Variants in TMCO5A observed in about 807,000 individuals in gnomAD.
TMCO5A encodes the protein transmembrane and coiled-coil domain-containing protein 5A.
TMCO5A carries 34 observed loss-of-function variants against 42.3 expected under a neutral mutation model. The observed-to-expected ratio is 0.80, with a 90% confidence interval of 0.61 to 1.07. TMCO5A has a LOEUF of 1.07. TMCO5A is among the 50% of genes least tolerant of loss of function. TMCO5A has a pLI of 0.00. For synonymous variants in TMCO5A, 131 were observed against 115.6 expected, an observed-to-expected ratio of 1.13 and a Z score of -0.86; for missense variants, 357 against 327.9, an observed-to-expected ratio of 1.09 and a Z score of -0.69.
At chr15:37,938,452 G>A (rs1031962867) in intron 6 of TMCO5A, among the ~76,000 whole-genome samples, 1 of 152,040 alleles carries the variant, frequency 6.6e-6, no homozygotes. Context: ...GAAGAGCAGG[G>A]CACAAATGCA....
At chr15:37,978,859 G>A in the TMCO5A span, among the ~76,000 whole-genome samples, 1 of 152,270 alleles carries the variant, frequency 6.6e-6, no homozygotes, top group Admixed American at 6.5e-5. Flanking sequence ...TTCTGGGGAG[G>A]CCTCAGGGAG....
the TMCO5A span, among the ~76,000 whole-genome samples, chr15:38,021,469 G>A: frequency 6.6e-6 from 1 of 152,082 alleles, no homozygotes; most frequent in Non-Finnish European, 1.5e-5. Context: ...TGCATGTGGG[G>A]GGATTTTTTT....
chr15:37,938,148 G>T lies in TMCO5A; in HGVS notation c.316-10G>T. 1.3e-6 allele frequency: 2 copies of T among 1,562,614 alleles called. No individual in the cohort carries two copies. The highest frequency in any genetic ancestry group is 1.2e-5 in the South Asian group (1 of 84,880). ...TTTTAATTTAGTATATTTTTTATTT[G>T]AAACTATAGCTTACAAGGAAATCAC... On this transcript the variant is annotated splice_polypyrimidine_tract_variant and intron_variant, in intron 5 of 11. Coordinates refer to ENST00000319669, the MANE Select transcript of TMCO5A (RefSeq NM_152453.4).
At chr15:38,036,517 C>T in the TMCO5A span, among the ~76,000 whole-genome samples, 1 of 151,900 alleles carries the variant, frequency 6.6e-6, no homozygotes, top group African/African-American at 2.4e-5. Flanking sequence ...CACACACACA[C>T]ACACACACAC....
chr15:38,003,213 C>T, the TMCO5A span, among the ~76,000 whole-genome samples: 18 of 95,066 alleles, frequency 1.9e-4, no homozygotes, highest in Admixed American at 2.0e-3. Flanking sequence ...TGACTTTCTC[C>T]CAAACAGAGT....
chr15:37,965,479 G>A (rs1371309485), intron 11 of TMCO5A, among the ~76,000 whole-genome samples: 3 of 152,158 alleles, frequency 2.0e-5, no homozygotes, highest in African/African-American at 7.2e-5. Context: ...ACACTTCACA[G>A]AATAGGGGAA....
the TMCO5A span, among the ~76,000 whole-genome samples, chr15:37,975,289 A>T: frequency 6.6e-6 from 1 of 152,142 alleles, no homozygotes; most frequent in Non-Finnish European, 1.5e-5. Context: ...GGTCCCAAAT[A>T]TCTTTGTTAG....
At chr15:37,950,155 G>A (rs992758958) in intron 11 of TMCO5A, among the ~76,000 whole-genome samples, 1 of 152,152 alleles carries the variant, frequency 6.6e-6, no homozygotes, top group Non-Finnish European at 1.5e-5. Context: ...CCATTCTTTA[G>A]AAGTAAGTTA....
the TMCO5A span, among the ~76,000 whole-genome samples, chr15:38,007,562 G>T: frequency 6.6e-6 from 1 of 152,180 alleles, no homozygotes; most frequent in Non-Finnish European, 1.5e-5. Flanking sequence ...AGTACCCAAA[G>T]AATTGGAGAA....
chr15:37,936,782 CT>C (rs1889527832), intron 3 of TMCO5A, 64 bp from the exon 4 acceptor site: 1 of 1,596,194 alleles, frequency 6.3e-7, no homozygotes, highest in African/African-American at 1.3e-5. Flanking sequence ...TATCTGAAAT[CT>C]GTGTTTTATC....
Position 37,941,751 on chromosome 15 carries a change from G to T in TMCO5A, c.504+21G>T, listed in dbSNP as rs746151953. The T allele has an allele frequency of 3.8e-6, 6 of 1,592,026 alleles. No individual in the cohort carries two copies. In the African/African-American group the frequency reaches 6.7e-5, roughly 18 times the overall value. On this transcript the variant is annotated intron_variant, in intron 8 of 11. Transcript: ENST00000319669. ...TAAAGGTAGAGCTTCTTGGTAAAGG[G>T]ATAGCAAAGGGTTTATTAAGGTACA...
the TMCO5A span, among the ~76,000 whole-genome samples, chr15:38,013,621 A>G: frequency 1.3e-5 from 2 of 152,144 alleles, no homozygotes; most frequent in African/African-American, 4.8e-5. Context: ...GTATTGCTTC[A>G]CTTTTCTTAA....
chr15:37,967,734 G>A (rs1890589348), downstream of TMCO5A: 1 of 152,122 alleles, frequency 6.6e-6, no homozygotes, highest in Non-Finnish European at 1.5e-5. Flanking sequence ...TAAAAAAACT[G>A]GATATATTTG....
chr15:37,967,458 C>G (rs146536393), exon 12 of TMCO5A: 87 of 152,210 alleles, frequency 5.7e-4, no homozygotes, highest in African/African-American at 1.8e-3. Flanking sequence ...TATAAAAGAT[C>G]CTTTTAATTA....
At chr15:37,966,776 G>T (rs1890568325) in exon 12 of TMCO5A, 3 of 692,214 alleles carry the variant, frequency 4.3e-6, no homozygotes, top group Admixed American at 2.0e-5. Context: ...GAGGTCAATT[G>T]CCTACCCTGT....
chr15:38,013,360 C>A, the TMCO5A span, among the ~76,000 whole-genome samples: 10 of 146,812 alleles, frequency 6.8e-5, no homozygotes, highest in Non-Finnish European at 1.1e-4. Flanking sequence ...CCCTCCCCCC[C>A]TCTAGTGTTC....
the TMCO5A span, among the ~76,000 whole-genome samples, chr15:37,997,975 C>A: frequency 2.6e-5 from 4 of 152,086 alleles, no homozygotes; most frequent in Admixed American, 2.6e-4. Flanking sequence ...TTTTCATATG[C>A]CTGCTTGCCA....
downstream of TMCO5A, among the ~76,000 whole-genome samples, chr15:37,955,827 T>C (rs1254214966): frequency 2.6e-5 from 4 of 152,114 alleles, no homozygotes; most frequent in Admixed American, 6.6e-5. Context: ...TATTCCAAAA[T>C]TGACCACATA....
the TMCO5A span, among the ~76,000 whole-genome samples, chr15:38,026,008 T>G: frequency 6.6e-6 from 1 of 152,244 alleles, no homozygotes; most frequent in Non-Finnish European, 1.5e-5. Flanking sequence ...GTAAGTCCAA[T>G]TGAACCTCTT....
Sources: gnomAD v4.1 joint callset for allele counts (sites outside exome capture counted in the v4.1 genomes callset) on GRCh38, gnomAD v4.1.1 for gene constraint, MANE v1.5 for transcripts, NCBI Gene and HGNC (gene_info 2026-07-23, HGNC 2026-07-21) for gene names.